GAB2: variants seen among roughly 807,000 people sequenced by gnomAD.
The protein encoded by GAB2 is GRB2 associated binding protein 2.
In GAB2, 26 loss-of-function variants were observed where a neutral mutation model predicts 65.5. The observed-to-expected ratio is 0.40, with a 90% confidence interval of 0.29 to 0.55. The LOEUF (loss-of-function observed/expected upper bound fraction) is 0.55, where lower values mean the gene tolerates loss of function less well. GAB2 is among the 20% of genes least tolerant of loss of function. The probability of loss-of-function intolerance (pLI) is 0.53; values close to 1 mark genes in which losing one functional copy is unlikely to be tolerated. For missense variants in GAB2, 884 were observed against 875.8 expected (o/e 1.01, Z -0.12); for synonymous variants, 321 against 329.6 (o/e 0.97, Z 0.28).
At chr11:78,240,615 G>A (rs879288403) in intron 3 of GAB2, among the ~76,000 whole-genome samples, 6 of 151,512 alleles carry the variant, frequency 4.0e-5, no homozygotes, top group Non-Finnish European at 5.9e-5. Flanking sequence ...CCTAAAGAGG[G>A]ACCATGTAGA....
At chr11:78,396,743 A>G (rs1246766309) in intron 1 of GAB2, among the ~76,000 whole-genome samples, 3 of 152,122 alleles carry the variant, frequency 2.0e-5, no homozygotes, top group Admixed American at 2.0e-4. Flanking sequence ...GATTACAGGC[A>G]TGTGCCACTG....
At chr11:78,222,512 CTATA>C (rs1864479713) in intron 6 of GAB2, among the ~76,000 whole-genome samples, 1 of 148,204 alleles carries the variant, frequency 6.7e-6, no homozygotes, top group Non-Finnish European at 1.5e-5. Context: ...AAATAAAAGA[CTATA>C]TATAAAATAT....
intron 1 of GAB2, among the ~76,000 whole-genome samples, chr11:78,346,468 T>C (rs1044252675): frequency 2.6e-5 from 4 of 151,798 alleles, no homozygotes; most frequent in Non-Finnish European, 4.4e-5. Flanking sequence ...TCGAACTTCA[T>C]AGAGACTGGG....
intron 3 of GAB2, among the ~76,000 whole-genome samples, chr11:78,243,180 A>G (rs1279590461): frequency 6.6e-6 from 1 of 151,722 alleles, no homozygotes; most frequent in Non-Finnish European, 1.5e-5. Flanking sequence ...AAAAAAGAAA[A>G]AAAAAGGCTG....
intron 3 of GAB2, among the ~76,000 whole-genome samples, chr11:78,248,257 TA>T (rs1865350960): frequency 6.6e-6 from 1 of 152,120 alleles, no homozygotes; most frequent in African/African-American, 2.4e-5. Flanking sequence ...GAGTGGGCCC[TA>T]AAGGCTAATT....
chr11:78,388,827 A>G (rs1039852701), intron 1 of GAB2, among the ~76,000 whole-genome samples: 1 of 152,242 alleles, frequency 6.6e-6, no homozygotes, highest in Non-Finnish European at 1.5e-5. Flanking sequence ...AGAGAGAGAA[A>G]GAGACTGAGA....
At chr11:78,259,089 C>T (rs1297024126) in intron 2 of GAB2, among the ~76,000 whole-genome samples, 2 of 152,064 alleles carry the variant, frequency 1.3e-5, no homozygotes, top group African/African-American at 2.4e-5. Context: ...GTGTTCTCAT[C>T]ATTTAGCTCC....
chr11:78,331,876 T>C (rs751405008), intron 1 of GAB2, among the ~76,000 whole-genome samples: 10 of 152,052 alleles, frequency 6.6e-5, no homozygotes, highest in African/African-American at 9.7e-5. Context: ...CCATTGTTTA[T>C]AGCCCAGAGG....
chr11:78,312,362 TTACATA>T (rs1271182890), intron 1 of GAB2, among the ~76,000 whole-genome samples: 11 of 152,220 alleles, frequency 7.2e-5, no homozygotes, highest in Admixed American at 3.9e-4. Flanking sequence ...CCTAAGCACT[TTACATA>T]TAAGAGTTCA....
chr11:78,396,680 C>G (rs975575659), intron 1 of GAB2, among the ~76,000 whole-genome samples: 9 of 152,168 alleles, frequency 5.9e-5, no homozygotes, highest in African/African-American at 2.2e-4. Flanking sequence ...TCACCGCAAC[C>G]TCCGCCTCCC....
At chr11:78,410,465 T>C (rs1591096465) in intron 1 of GAB2, among the ~76,000 whole-genome samples, 3 of 152,122 alleles carry the variant, frequency 2.0e-5, no homozygotes, top group African/African-American at 2.4e-5. Context: ...GATCGTGCCA[T>C]TGCACTCCAC....
At chr11:78,351,716 G>A (rs980018636) in intron 1 of GAB2, among the ~76,000 whole-genome samples, 5 of 152,168 alleles carry the variant, frequency 3.3e-5, no homozygotes, top group African/African-American at 7.2e-5. Flanking sequence ...CAAGCAGGGA[G>A]CTAGGTAAGT....
chr11:78,227,238 C>T (rs1330291995), intron 3 of GAB2, among the ~76,000 whole-genome samples, 187 bp from the exon 4 acceptor site: 1 of 152,136 alleles, frequency 6.6e-6, no homozygotes, highest in Non-Finnish European at 1.5e-5. Context: ...TTCATCCGTC[C>T]CCCATCTCCA....
At chr11:78,284,873 T>C (rs1016285455) in intron 1 of GAB2, among the ~76,000 whole-genome samples, 7 of 152,196 alleles carry the variant, frequency 4.6e-5, no homozygotes, top group Non-Finnish European at 7.3e-5. Context: ...ACATAGCTAG[T>C]AATCAATATA....
chr11:78,346,688 TA>T (rs1856186925), intron 1 of GAB2, among the ~76,000 whole-genome samples: 4 of 55,912 alleles, frequency 7.2e-5, no homozygotes, highest in Non-Finnish European at 1.1e-4. Flanking sequence ...TATATATATA[TA>T]TATATATATA....
At chr11:78,263,726 A>G (rs1865799366) in intron 2 of GAB2, among the ~76,000 whole-genome samples, 1 of 151,704 alleles carries the variant, frequency 6.6e-6, no homozygotes, top group Non-Finnish European at 1.5e-5. Flanking sequence ...ATTCTTAACC[A>G]TTTATTCTTT....
At chr11:78,362,944 A>G (rs1334188840) in intron 1 of GAB2, among the ~76,000 whole-genome samples, 1 of 152,214 alleles carries the variant, frequency 6.6e-6, no homozygotes, top group Admixed American at 6.5e-5. Flanking sequence ...ATGTGTACCT[A>G]GTAATATGGC....
chr11:78,401,063 T>G (rs1175618915), intron 1 of GAB2, among the ~76,000 whole-genome samples: 1 of 152,032 alleles, frequency 6.6e-6, no homozygotes, highest in Non-Finnish European at 1.5e-5. Flanking sequence ...TCTTTTCTCT[T>G]GGGTTAGAAA....
At chr11:78,259,518 C>G (rs1327193652) in intron 2 of GAB2, among the ~76,000 whole-genome samples, 1 of 152,116 alleles carries the variant, frequency 6.6e-6, no homozygotes, top group Non-Finnish European at 1.5e-5. Flanking sequence ...AAGACTGGAT[C>G]CAAAGCTCCA....
Sources: gnomAD v4.1 joint callset for allele counts (sites outside exome capture counted in the v4.1 genomes callset) on GRCh38, gnomAD v4.1.1 for gene constraint, MANE v1.5 for transcripts, NCBI Gene and HGNC (gene_info 2026-07-23, HGNC 2026-07-21) for gene names.